The following SPECC1 variants were observed in gnomAD, a reference collection of about 807,000 sequenced individuals.
The protein encoded by SPECC1 is sperm antigen with calponin homology and coiled-coil domains 1.
Under a neutral mutation model 104.1 loss-of-function variants are expected in SPECC1, and 62 were observed. The observed-to-expected ratio is 0.60, with a 90% confidence interval of 0.49 to 0.74. The LOEUF is 0.74. Among genes scored for constraint, SPECC1 ranks in the 30% least tolerant of loss-of-function variants. The probability of loss-of-function intolerance (pLI) is 0.00; values close to 1 mark genes in which losing one functional copy is unlikely to be tolerated. For synonymous variants in SPECC1, 513 were observed against 501.6 expected (o/e 1.02, Z -0.30); for missense variants, 1,306 against 1,310.5 (o/e 1.00, Z 0.05).
intron 4 of SPECC1, among the ~76,000 whole-genome samples, chr17:20,213,515 C>G (rs991183653): frequency 6.6e-6 from 1 of 152,122 alleles, no homozygotes; most frequent in South Asian, 2.1e-4. Context: ...AGGCCAAAGC[C>G]CTTTGAAGAA....
chr17:20,241,595 C>T (rs546249421), intron 7 of SPECC1, among the ~76,000 whole-genome samples: 5 of 152,164 alleles, frequency 3.3e-5, no homozygotes, highest in Non-Finnish European at 7.3e-5. Context: ...ATCTAAGCCA[C>T]GTCAATGATA....
At chr17:20,032,671 T>C (rs1262812400) in intron 1 of SPECC1, among the ~76,000 whole-genome samples, 2 of 152,114 alleles carry the variant, frequency 1.3e-5, no homozygotes, top group African/African-American at 4.8e-5. Context: ...AATATTGTTA[T>C]GATACTTTCC....
rs752278172 is a variant in SPECC1, at chr17:20,318,048, A to G, written c.*3983A>G. 4.6e-4 allele frequency: 105 copies of G among 230,748 alleles called. No individual in the cohort carries two copies. The highest frequency in any genetic ancestry group is 9.5e-4 in the African/African-American group (43 of 45,294). 14.3% of individuals were successfully genotyped at this position (230,748 alleles called of 1,614,324 possible). A position where few individuals can be genotyped will look rare whatever the true frequency, so the allele number is the denominator to read the frequency against. On this transcript the variant is annotated 3_prime_UTR_variant, in exon 15 of 15. Coordinates refer to ENST00000395527, the MANE Select transcript of SPECC1 (RefSeq NM_001243439.2). ...ATACTCAGCAGAGTGTGCCATTCCC[A>G]GTTTCTGTCCTGAGGATTTCAAAGA...
chr17:20,178,526 G>T (rs1373454894), intron 3 of SPECC1, among the ~76,000 whole-genome samples: 1 of 152,160 alleles, frequency 6.6e-6, no homozygotes, highest in Non-Finnish European at 1.5e-5. Flanking sequence ...CTAAATCAGA[G>T]AGGCAGAAGA....
intron 1 of SPECC1, among the ~76,000 whole-genome samples, chr17:20,046,986 G>C (rs944327694): frequency 6.6e-6 from 1 of 152,134 alleles, no homozygotes; most frequent in Non-Finnish European, 1.5e-5. Flanking sequence ...CTGGGAGGAG[G>C]GAAAGGTGCT....
chr17:20,152,801 G>A (rs967900517), intron 3 of SPECC1, among the ~76,000 whole-genome samples: 1 of 152,124 alleles, frequency 6.6e-6, no homozygotes, highest in Non-Finnish European at 1.5e-5. Flanking sequence ...CTGAGAAGGT[G>A]GGACTAGAGG....
At chr17:20,142,326 C>T (rs1320186628) in intron 3 of SPECC1, among the ~76,000 whole-genome samples, 1 of 152,016 alleles carries the variant, frequency 6.6e-6, no homozygotes, top group East Asian at 1.9e-4. Flanking sequence ...GTTATATACC[C>T]AAAATAATTG....
intron 12 of SPECC1, among the ~76,000 whole-genome samples, chr17:20,281,377 A>C (rs370262265): frequency 4.0e-4 from 61 of 152,254 alleles, no homozygotes; most frequent in East Asian, 3.9e-3. Context: ...CTGAAGCCCC[A>C]GAGTTCATCC....
intron 4 of SPECC1, 51 bp from the exon 5 acceptor site, chr17:20,227,362 G>A: frequency 1.3e-6 from 2 of 1,541,396 alleles, no homozygotes; most frequent in Non-Finnish European, 1.8e-6. Context: ...ACAGATCACT[G>A]TGGGAATTTT....
chr17:20,031,797 T>A (rs1478797120), intron 1 of SPECC1, among the ~76,000 whole-genome samples: 1 of 152,248 alleles, frequency 6.6e-6, no homozygotes, highest in East Asian at 1.9e-4. Flanking sequence ...TAGCATAGTG[T>A]TCTCAAGGTT....
intron 3 of SPECC1, among the ~76,000 whole-genome samples, chr17:20,200,943 G>GT (rs2036392182): frequency 6.6e-6 from 1 of 150,998 alleles, no homozygotes; most frequent in African/African-American, 2.4e-5. Context: ...TGGCTGGATT[G>GT]TACATTTCAT....
intron 1 of SPECC1, among the ~76,000 whole-genome samples, chr17:20,033,309 G>A (rs1364101473): frequency 6.6e-6 from 1 of 152,084 alleles, no homozygotes; most frequent in African/African-American, 2.4e-5. Context: ...TTCAGATACT[G>A]TATTGTAGGA....
chr17:20,059,598 T>G (rs1380981767), intron 1 of SPECC1, among the ~76,000 whole-genome samples: 1 of 152,240 alleles, frequency 6.6e-6, no homozygotes, highest in East Asian at 1.9e-4. Context: ...CTTTTCTTTC[T>G]GGTCCTCCTT....
chr17:20,031,360 C>G (rs1404671037), intron 1 of SPECC1, among the ~76,000 whole-genome samples: 1 of 151,948 alleles, frequency 6.6e-6, no homozygotes, highest in Non-Finnish European at 1.5e-5. Context: ...GCTCTTATTG[C>G]CCAGGCTAGA....
At chr17:20,115,953 GATA>G (rs1483794055) in intron 3 of SPECC1, among the ~76,000 whole-genome samples, 1 of 152,206 alleles carries the variant, frequency 6.6e-6, no homozygotes, top group Non-Finnish European at 1.5e-5. Flanking sequence ...ATTGTAATCA[GATA>G]ATAACATTGT....
intron 5 of SPECC1, 24 bp downstream of exon 5, chr17:20,227,644 G>C (rs1337915584): frequency 6.2e-7 from 1 of 1,606,534 alleles, no homozygotes; most frequent in Non-Finnish European, 8.5e-7. Flanking sequence ...GCCAGGCATG[G>C]TGGCTCACAC....
chr17:20,067,587 A>G (rs1567822226), intron 1 of SPECC1, among the ~76,000 whole-genome samples: 2 of 152,134 alleles, frequency 1.3e-5, no homozygotes, highest in African/African-American at 4.8e-5. Context: ...GATATTTTGT[A>G]GTATCACTTT....
chr17:20,095,151 T>TG (rs1206153354), intron 1 of SPECC1, among the ~76,000 whole-genome samples: 1 of 152,214 alleles, frequency 6.6e-6, no homozygotes, highest in East Asian at 1.9e-4. Context: ...CTTTCATTGT[T>TG]GCTGTGGAAA....
At chr17:20,214,230 T>C (rs977506847) in intron 4 of SPECC1, among the ~76,000 whole-genome samples, 7 of 152,224 alleles carry the variant, frequency 4.6e-5, no homozygotes, top group African/African-American at 1.4e-4. Context: ...ACCAGATAAA[T>C]GATTTGCAAA....
Sources: gnomAD v4.1 joint callset for allele counts (sites outside exome capture counted in the v4.1 genomes callset) on GRCh38, gnomAD v4.1.1 for gene constraint, MANE v1.5 for transcripts, NCBI Gene and HGNC (gene_info 2026-07-23, HGNC 2026-07-21) for gene names.